The following PACSIN2 variants were observed in gnomAD, a reference collection of about 807,000 sequenced individuals.
PACSIN2 encodes the protein protein kinase C and casein kinase substrate in neurons protein 2.
A neutral mutation model predicts 63.8 loss-of-function variants in PACSIN2; 25 were observed. The observed-to-expected ratio is 0.39, with a 90% CI of 0.29 to 0.55. The LOEUF is 0.55. Among genes scored for constraint, PACSIN2 ranks in the 20% least tolerant of loss-of-function variants. The pLI is 0.62. For missense variants in PACSIN2, 518 were observed against 646.9 expected (o/e 0.80, Z 2.16); for synonymous variants, 255 against 256.2 (o/e 1.00, Z 0.05).
intron 2 of PACSIN2, among the ~76,000 whole-genome samples, chr22:42,901,315 C>T (rs1038636096): frequency 2.0e-5 from 3 of 152,236 alleles, no homozygotes; most frequent in Non-Finnish European, 4.4e-5. Flanking sequence ...GCTCTAGCAT[C>T]TCCTCTGTCA....
At chr22:42,979,178 G>C (rs1055392218) in intron 1 of PACSIN2, among the ~76,000 whole-genome samples, 3 of 152,104 alleles carry the variant, frequency 2.0e-5, no homozygotes, top group Admixed American at 1.3e-4. Context: ...CACTGCCCAA[G>C]GCCCAATGAT....
intron 1 of PACSIN2, among the ~76,000 whole-genome samples, chr22:42,952,587 G>T (rs1933743856): frequency 6.6e-6 from 1 of 151,774 alleles, no homozygotes; most frequent in Non-Finnish European, 1.5e-5. Context: ...TCAGTCTCCT[G>T]ACCTCGTGAT....
At chr22:42,939,689 C>T (rs1933063110) in intron 1 of PACSIN2, among the ~76,000 whole-genome samples, 1 of 152,172 alleles carries the variant, frequency 6.6e-6, no homozygotes, top group South Asian at 2.1e-4. Context: ...GATTCTTGTG[C>T]CCGCTCTGGC....
intron 1 of PACSIN2, among the ~76,000 whole-genome samples, chr22:42,946,739 C>A (rs1009776682): frequency 6.6e-6 from 1 of 152,188 alleles, no homozygotes. Flanking sequence ...ATCAGGACTT[C>A]AGAGCACATG....
intron 1 of PACSIN2, among the ~76,000 whole-genome samples, chr22:42,941,219 T>TGTCA (rs59238102): frequency 0.6 from 91,216 of 151,650 alleles, 27,948 homozygotes; most frequent in East Asian, 0.78. Flanking sequence ...TTGCAGCATG[T>TGTCA]GTATTTCACT....
At chr22:42,983,185 C>T (rs915917952) in intron 1 of PACSIN2, among the ~76,000 whole-genome samples, 14 of 152,018 alleles carry the variant, frequency 9.2e-5, no homozygotes, top group East Asian at 5.8e-4. Context: ...GCTGTGGTGA[C>T]GCACACCTGT....
At chr22:42,936,173 G>A (rs1020309399) in intron 1 of PACSIN2, among the ~76,000 whole-genome samples, 2 of 147,042 alleles carry the variant, frequency 1.4e-5, no homozygotes, top group Admixed American at 7.0e-5. Flanking sequence ...CCAAGATTGC[G>A]CCACTGCACT....
intron 1 of PACSIN2, among the ~76,000 whole-genome samples, chr22:42,960,842 A>AT (rs1389870224): frequency 2.0e-5 from 3 of 152,230 alleles, no homozygotes; most frequent in African/African-American, 4.8e-5. Flanking sequence ...TTAGGTATGC[A>AT]TATTATTCAA....
chr22:42,912,301 C>T, intron 1 of PACSIN2, 144 bp from the exon 2 acceptor site: 1 of 518,662 alleles, frequency 1.9e-6, no homozygotes, highest in South Asian at 2.7e-5. Context: ...GGCAGAAAGC[C>T]AGTAGACTCT....
At chr22:42,910,992 C>T (rs1304542157) in intron 2 of PACSIN2, among the ~76,000 whole-genome samples, 1 of 151,940 alleles carries the variant, frequency 6.6e-6, no homozygotes, top group African/African-American at 2.4e-5. Context: ...GCAAGCTCCG[C>T]CTCCCGGGTT....
chr22:42,871,111 AGTGGGCGGG>A lies in PACSIN2; in HGVS notation c.*237_*245del. ...AGATCTATGATAGGCCAACAGGCAC[AGTGGGCGGG>A]GAGGGGCGGCTATTTCTGTTGTTCT... On this transcript the variant is annotated 3_prime_UTR_variant, in exon 11 of 11. Coordinates refer to ENST00000263246, the MANE Select transcript of PACSIN2 (RefSeq NM_001184970.3). The surrounding 1 kb of genome is among the most constrained non-coding windows in gnomAD (Gnocchi z 5.4). 1 of 550,528 alleles carries A rather than the reference AGTGGGCGGG, an allele frequency of 1.8e-6. No individual in the cohort carries two copies. The highest frequency in any genetic ancestry group is 3.3e-6 in the Non-Finnish European group (1 of 305,250). 34.1% of individuals were successfully genotyped at this position (550,528 alleles called of 1,614,324 possible). A position where few individuals can be genotyped will look rare whatever the true frequency, so the allele number is the denominator to read the frequency against.
intron 4 of PACSIN2, among the ~76,000 whole-genome samples, chr22:42,889,217 C>T (rs1602188551): frequency 1.3e-5 from 2 of 151,996 alleles, no homozygotes; most frequent in Non-Finnish European, 1.5e-5. Flanking sequence ...ACATGGAACA[C>T]GCACATGGAG....
chr22:42,903,336 T>C (rs1930835847), intron 2 of PACSIN2, among the ~76,000 whole-genome samples: 2 of 152,228 alleles, frequency 1.3e-5, no homozygotes, highest in Non-Finnish European at 2.9e-5. Context: ...TTCAGGCAAC[T>C]TTCTTCCAAC....
chr22:42,893,643 G>A (rs752557857), intron 2 of PACSIN2, 30 bp from the exon 3 acceptor site: 23 of 1,603,510 alleles, frequency 1.4e-5, no homozygotes, highest in Non-Finnish European at 1.9e-5. Flanking sequence ...GGGAGGCAGG[G>A]GGCTTGGGGC....
At position 42,906,505 on chromosome 22, in the gene PACSIN2, G is replaced by A. The variant is rs80136666; in HGVS notation, c.60+5516C>T. 5.2e-3 allele frequency among the ~76,000 whole-genome samples: 795 copies of A among 152,298 alleles called. 4 individuals are homozygous for A. The highest frequency in any genetic ancestry group is 0.018 in the African/African-American group (758 of 41,564). ...CCAAGACAAAGGCAGCCCACACGTC[G>A]AGGGCCCTGATCTGCCCCATAGGAC... On this transcript the variant is annotated intron_variant, in intron 2 of 10. Transcript: ENST00000263246.
chr22:42,919,729 C>T lies in PACSIN2; in HGVS notation c.-77-7572G>A, dbSNP rs573991496. Reference sequence around the variant, plus strand: ...TGGAGGTTGTAGTGAGCCGAGATTGCACCACTGTACTCCAGCCTGGGTGAC... The same window carrying T: ...TGGAGGTTGTAGTGAGCCGAGATTGTACCACTGTACTCCAGCCTGGGTGAC... On this transcript the variant is annotated intron_variant, in intron 1 of 10. Coordinates refer to ENST00000263246, the MANE Select transcript of PACSIN2 (RefSeq NM_001184970.3). Among the ~76,000 whole-genome samples the T allele has an allele frequency of 2.3e-5, 3 of 128,120 alleles. No individual in the cohort carries two copies. The East Asian group carries it at 7.3e-4, about 31-fold the overall frequency. The allele number at this position is 128,120 out of a possible 152,430, so 84.1% of individuals were successfully genotyped here.
chr22:42,911,997 A>G lies in PACSIN2; in HGVS notation c.60+24T>C. Reference sequence around the variant, plus strand: ...CACTATTGGCCTGGCCACTTCATTCACTGGAAGAAAGCAGGTGCATTACCT... The same window carrying G: ...CACTATTGGCCTGGCCACTTCATTCGCTGGAAGAAAGCAGGTGCATTACCT... On this transcript the variant is annotated intron_variant, in intron 2 of 10. Transcript: ENST00000263246. 3.2e-6 allele frequency: 5 copies of G among 1,575,528 alleles called. No homozygotes were observed. In the South Asian group the frequency reaches 5.7e-5, roughly 18 times the overall value.
At chr22:42,884,700 G>T in intron 5 of PACSIN2, 139 bp from the exon 6 acceptor site, 1 of 645,014 alleles carries the variant, frequency 1.6e-6, no homozygotes, top group Non-Finnish European at 2.7e-6. Flanking sequence ...CAGACTTCAA[G>T]TTCAAGTCCC....
intron 10 of PACSIN2, among the ~76,000 whole-genome samples, chr22:42,873,407 C>T (rs1440292003): frequency 6.6e-6 from 1 of 152,208 alleles, no homozygotes; most frequent in African/African-American, 2.4e-5. Context: ...CCCAACTTCT[C>T]AAACTGGGCA....
Sources: allele counts gnomAD v4.1 joint callset (sites outside exome capture counted in the v4.1 genomes callset), GRCh38; gene constraint gnomAD v4.1.1; non-coding constraint Gnocchi (gnomAD v3.1); transcripts MANE v1.5; gene names NCBI Gene and HGNC (gene_info 2026-07-23, HGNC 2026-07-21).